Variants in PSMG2 observed in about 807,000 individuals in gnomAD.
The protein encoded by PSMG2 is proteasome assembly chaperone 2.
In PSMG2, 21 loss-of-function variants were observed where a neutral mutation model predicts 31.5. The ratio of observed to expected loss-of-function variants is 0.67; its 90% CI spans 0.47 to 0.96. The LOEUF (loss-of-function observed/expected upper bound fraction) is 0.96. Among genes scored for constraint, PSMG2 ranks in the 40% least tolerant of loss-of-function variants. The probability of loss-of-function intolerance (pLI) is 0.00; values close to 1 mark genes in which losing one functional copy is unlikely to be tolerated. For synonymous variants in PSMG2, 120 were observed against 110.4 expected, an observed-to-expected ratio of 1.09 and a Z score of -0.54; for missense variants, 318 against 321.2, an observed-to-expected ratio of 0.99 and a Z score of 0.08.
intron 1 of PSMG2, chr18:12,684,232 G>A (rs933675217): frequency 6.6e-6 from 1 of 151,758 alleles, no homozygotes; most frequent in Non-Finnish European, 1.5e-5. Context: ...GCCTCCCAAA[G>A]TGCTGGGATT....
At chr18:12,712,340 G>A (rs1252897921) in intron 2 of PSMG2, among the ~76,000 whole-genome samples, 1 of 152,160 alleles carries the variant, frequency 6.6e-6, no homozygotes, top group African/African-American at 2.4e-5. Context: ...AAAGAGGGGA[G>A]AATATCAAAA....
chr18:12,706,850 C>G, intron 2 of PSMG2, 129 bp downstream of exon 2: 1 of 912,514 alleles, frequency 1.1e-6, no homozygotes, highest in Non-Finnish European at 1.6e-6. Context: ...AGTTCACAAC[C>G]CAATCACATT....
At chr18:12,699,089 G>C (rs751708461), upstream of PSMG2, 1 of 1,613,936 alleles carries the variant, frequency 6.2e-7, no homozygotes. Context: ...TAAACATAAA[G>C]TAAACGTTGA....
intron 1 of PSMG2, among the ~76,000 whole-genome samples, chr18:12,697,852 G>C (rs1035173218): frequency 5.3e-5 from 8 of 152,034 alleles, no homozygotes; most frequent in Non-Finnish European, 1.0e-4. Context: ...CCTATTAATT[G>C]CCTTATTAAG....
At chr18:12,687,651 G>A (rs953498206) in intron 1 of PSMG2, among the ~76,000 whole-genome samples, 1 of 151,294 alleles carries the variant, frequency 6.6e-6, no homozygotes, top group Non-Finnish European at 1.5e-5. Flanking sequence ...GGGGTTTCAC[G>A]ATGTTGACCA....
intron 1 of PSMG2, chr18:12,678,562 T>A: frequency 3.2e-6 from 2 of 633,670 alleles, no homozygotes; most frequent in Non-Finnish European, 5.3e-6. Context: ...AGTTTAATAC[T>A]TGTTTTTCTT....
chr18:12,665,268 G>GTA (rs2038780733), intron 1 of PSMG2: 1 of 152,168 alleles, frequency 6.6e-6, no homozygotes, highest in South Asian at 2.1e-4. Flanking sequence ...TTGTAGAAGG[G>GTA]TATAGGTAAA....
chr18:12,662,285 T>G (rs1170736938), intron 1 of PSMG2: 4 of 383,288 alleles, frequency 1.0e-5, no homozygotes, highest in Non-Finnish European at 2.0e-5. Flanking sequence ...CTATTTATAC[T>G]TTCAAAATGT....
At chr18:12,679,388 G>A (rs184247261) in intron 1 of PSMG2, 2 of 152,174 alleles carry the variant, frequency 1.3e-5, no homozygotes, top group East Asian at 1.9e-4. Context: ...TTCAATCTGC[G>A]AGGCAGGAAG....
At chr18:12,703,346 G>A (rs1370185570) in intron 1 of PSMG2, among the ~76,000 whole-genome samples, 182 bp downstream of exon 1, 1 of 152,218 alleles carries the variant, frequency 6.6e-6, no homozygotes, top group Non-Finnish European at 1.5e-5. Context: ...AACCTTTGTC[G>A]GCTGTAAAAC....
upstream of PSMG2, chr18:12,698,914 T>C (rs1405967719): frequency 2.6e-6 from 3 of 1,175,572 alleles, no homozygotes; most frequent in Non-Finnish European, 3.6e-6. Flanking sequence ...GTCATTATTA[T>C]TGTTTCACAA....
intron 1 of PSMG2, among the ~76,000 whole-genome samples, chr18:12,671,543 T>C (rs1015925608): frequency 2.6e-5 from 4 of 152,004 alleles, no homozygotes; most frequent in Non-Finnish European, 4.4e-5. Context: ...TTGCAAAAAG[T>C]TGAATTGCTA....
intron 1 of PSMG2, among the ~76,000 whole-genome samples, chr18:12,691,976 C>T (rs373985061): frequency 9.7e-4 from 148 of 152,190 alleles, no homozygotes; most frequent in Non-Finnish European, 1.6e-3. Flanking sequence ...GCCTTGGCCT[C>T]CCAAAGTGCT....
At chr18:12,706,842 T>C in intron 2 of PSMG2, 121 bp downstream of exon 2, 1 of 1,005,148 alleles carries the variant, frequency 9.9e-7, no homozygotes, top group South Asian at 1.8e-5. Flanking sequence ...TTGTGTAGAG[T>C]TCACAACCCA....
chr18:12,666,215 CTA>C, intron 1 of PSMG2, among the ~76,000 whole-genome samples: 1 of 151,704 alleles, frequency 6.6e-6, no homozygotes, highest in African/African-American at 2.4e-5. Flanking sequence ...ATATTCCCAG[CTA>C]CTTAAGAGGC....
intron 1 of PSMG2, among the ~76,000 whole-genome samples, chr18:12,668,597 C>CAAAAAAAAAAAAAAAAAAAAAAAAAAAA (rs752216074): frequency 1.4e-5 from 1 of 72,836 alleles, no homozygotes; most frequent in Non-Finnish European, 2.4e-5. Context: ...GATTCCATCT[C>CAAAAAAAAAAAAAAAAAAAAAAAAAAAA]AAAAAAAAAA....
chr18:12,669,526 A>C (rs76446789), intron 1 of PSMG2, among the ~76,000 whole-genome samples: 3,984 of 152,176 alleles, frequency 0.026, 187 homozygotes, highest in African/African-American at 0.091. Context: ...CTGGTTTCTG[A>C]TATTTTTCTA....
rs149906018 is a variant in PSMG2, at chr18:12,723,073, T to G, written c.582-1426T>G. The stretch of plus-strand genomic sequence containing the variant: ...GAGGCTAACAGTTTCTACTTTGTAG[T>G]TTTTAGAGACAGAAACTAAAGTTAG... On this transcript the variant is annotated intron_variant, in intron 5 of 6. Transcript: ENST00000317615. 2.2e-4 allele frequency among the ~76,000 whole-genome samples: 33 copies of G among 152,324 alleles called. No homozygotes were observed. In the East Asian group the frequency reaches 6.4e-3, roughly 29 times the overall value.
intron 1 of PSMG2, among the ~76,000 whole-genome samples, chr18:12,668,826 C>T (rs1003241653): frequency 7.3e-6 from 1 of 136,808 alleles, no homozygotes; most frequent in African/African-American, 2.7e-5. Flanking sequence ...CTGCAGCCTT[C>T]GCCTCCCGGG....
Sources: allele counts gnomAD v4.1 joint callset (sites outside exome capture counted in the v4.1 genomes callset), GRCh38; gene constraint gnomAD v4.1.1; transcripts MANE v1.5; gene names NCBI Gene and HGNC (gene_info 2026-07-23, HGNC 2026-07-21).